Variants in MAPK10 observed in about 807,000 individuals in gnomAD.
MAPK10 encodes JNK3 alpha protein kinase.
Under a neutral mutation model 59.3 loss-of-function variants are expected in MAPK10, and 25 were observed. That is an observed-to-expected ratio of 0.42 (90% CI 0.31 to 0.59). The LOEUF (loss-of-function observed/expected upper bound fraction) is 0.59. Ranked by LOEUF, MAPK10 falls within the 20% of genes least tolerant of loss-of-function variation. The pLI is 0.15. For missense variants in MAPK10, 351 were observed against 568.9 expected (o/e 0.62, Z 3.90); for synonymous variants, 190 against 200.5 (o/e 0.95, Z 0.44).
intron 2 of MAPK10, among the ~76,000 whole-genome samples, chr4:86,211,459 A>G (rs2085787059): frequency 6.6e-6 from 1 of 152,130 alleles, no homozygotes; most frequent in African/African-American, 2.4e-5. Flanking sequence ...AAAAGTGTCA[A>G]CCAAGAATCT....
intron 1 of MAPK10, among the ~76,000 whole-genome samples, chr4:86,564,652 T>C (rs1055081549): frequency 2.6e-5 from 4 of 152,176 alleles, no homozygotes; most frequent in East Asian, 3.9e-4. Context: ...TGTGATCCCA[T>C]GCACATATAG....
At chr4:86,018,401 G>C (rs1744463941) in intron 13 of MAPK10, among the ~76,000 whole-genome samples, 1 of 151,310 alleles carries the variant, frequency 6.6e-6, no homozygotes, top group African/African-American at 2.4e-5. Context: ...TTTTGCTTAT[G>C]AGCTAACTCT....
intron 1 of MAPK10, among the ~76,000 whole-genome samples, chr4:86,366,272 C>A (rs1737882317): frequency 6.6e-6 from 1 of 151,996 alleles, no homozygotes; most frequent in Non-Finnish European, 1.5e-5. Flanking sequence ...ATGTTGATAG[C>A]AAGAGGGAAA....
chr4:86,090,029 A>G (rs1395313751), intron 9 of MAPK10, among the ~76,000 whole-genome samples: 1 of 152,132 alleles, frequency 6.6e-6, no homozygotes, highest in Non-Finnish European at 1.5e-5. Context: ...TGGAATTATA[A>G]TGGTCTCTCT....
chr4:86,346,963 T>C (rs1016481278), intron 2 of MAPK10, among the ~76,000 whole-genome samples: 10 of 152,116 alleles, frequency 6.6e-5, no homozygotes, highest in Non-Finnish European at 1.5e-4. Flanking sequence ...TATATCTTAA[T>C]AGACTAAACT....
At chr4:86,355,433 G>C (rs1039754662) in intron 1 of MAPK10, among the ~76,000 whole-genome samples, 1 of 151,942 alleles carries the variant, frequency 6.6e-6, no homozygotes, top group Admixed American at 6.6e-5. Context: ...CATCACTTCA[G>C]AGGAGGTAAA....
intron 2 of MAPK10, among the ~76,000 whole-genome samples, chr4:86,294,091 C>T (rs1056463044): frequency 1.8e-4 from 28 of 152,180 alleles, no homozygotes; most frequent in Admixed American, 1.7e-3. Flanking sequence ...GACATACACC[C>T]GGCTTCTTTC....
intron 1 of MAPK10, among the ~76,000 whole-genome samples, chr4:86,459,907 C>T (rs189505077): frequency 1.5e-4 from 23 of 151,736 alleles, no homozygotes; most frequent in African/African-American, 5.1e-4. Context: ...TCCCCAATAA[C>T]TTATGGAAAT....
At chr4:86,083,161 T>C (rs2051018031) in intron 9 of MAPK10, among the ~76,000 whole-genome samples, 1 of 152,038 alleles carries the variant, frequency 6.6e-6, no homozygotes, top group South Asian at 2.1e-4. Context: ...GATGGCAAAA[T>C]AGAAGGCTCC....
At chr4:86,150,510 A>AC (rs2066137769) in intron 4 of MAPK10, among the ~76,000 whole-genome samples, 1 of 152,258 alleles carries the variant, frequency 6.6e-6, no homozygotes, top group South Asian at 2.1e-4. Flanking sequence ...TTAGCCACTT[A>AC]GGAGGTCAAT....
chr4:86,182,247 C>T (rs1332007071), intron 3 of MAPK10, among the ~76,000 whole-genome samples: 1 of 151,738 alleles, frequency 6.6e-6, no homozygotes, highest in African/African-American at 2.4e-5. Flanking sequence ...TCAGTGAATC[C>T]CATATTCTTC....
intron 1 of MAPK10, among the ~76,000 whole-genome samples, chr4:86,482,491 G>A (rs1753683760): frequency 6.6e-6 from 1 of 152,018 alleles, no homozygotes; most frequent in Admixed American, 6.6e-5. Flanking sequence ...GATGGTGGGG[G>A]GATGCAGAGG....
chr4:86,362,106 C>G (rs1737090357), upstream of MAPK10, among the ~76,000 whole-genome samples: 1 of 152,016 alleles, frequency 6.6e-6, no homozygotes, highest in South Asian at 2.1e-4. Context: ...TTTGATCATT[C>G]TACAATGTAT....
intron 7 of MAPK10, among the ~76,000 whole-genome samples, 196 bp downstream of exon 7, chr4:86,101,698 C>T (rs1301276851): frequency 6.6e-6 from 1 of 152,188 alleles, no homozygotes; most frequent in African/African-American, 2.4e-5. Context: ...TGAGCCAAAA[C>T]ATAACATTGA....
chr4:86,541,509 A>G (rs1758693974), intron 1 of MAPK10, among the ~76,000 whole-genome samples: 1 of 152,192 alleles, frequency 6.6e-6, no homozygotes, highest in South Asian at 2.1e-4. Flanking sequence ...AAAAATCTTG[A>G]GAGGGAAAAA....
chr4:86,040,446 C>T (rs1008481326), intron 11 of MAPK10, among the ~76,000 whole-genome samples: 2 of 151,630 alleles, frequency 1.3e-5, no homozygotes, highest in Admixed American at 1.3e-4. Flanking sequence ...AATATATGGT[C>T]AGAAGAGAAA....
At chr4:86,276,910 C>T (rs1010362385) in intron 2 of MAPK10, 5 of 152,174 alleles carry the variant, frequency 3.3e-5, no homozygotes, top group African/African-American at 1.2e-4. Context: ...GTCTATGAGT[C>T]TATGTATAGT....
At chr4:86,160,841 C>G (rs1038163821) in intron 3 of MAPK10, among the ~76,000 whole-genome samples, 2 of 151,986 alleles carry the variant, frequency 1.3e-5, no homozygotes, top group African/African-American at 4.8e-5. Flanking sequence ...GGCTCTGAAC[C>G]TCTGGATTGA....
At chr4:86,162,487 A>AT (rs1315557077) in intron 3 of MAPK10, among the ~76,000 whole-genome samples, 2 of 151,940 alleles carry the variant, frequency 1.3e-5, no homozygotes, top group Admixed American at 1.3e-4. Context: ...TTGCAGAAAC[A>AT]TTTTTTGCAT....
Sources: allele counts gnomAD v4.1 joint callset (sites outside exome capture counted in the v4.1 genomes callset), GRCh38; gene constraint gnomAD v4.1.1; transcripts MANE v1.5; gene names NCBI Gene and HGNC (gene_info 2026-07-23, HGNC 2026-07-21).